JPH3: variants seen among roughly 807,000 people sequenced by gnomAD.
JPH3 encodes the protein junctophilin 3, also known as junctophilin-3.
Under a neutral mutation model 59.6 loss-of-function variants are expected in JPH3, and 11 were observed. That is an observed-to-expected ratio of 0.18 (90% CI 0.12 to 0.31). The LOEUF (loss-of-function observed/expected upper bound fraction) is 0.31. Among genes scored for constraint, JPH3 ranks in the 10% least tolerant of loss-of-function variants. JPH3 has a pLI of 1.00. For synonymous variants in JPH3, 673 were observed against 483.6 expected (o/e 1.39, Z -5.14); for missense variants, 1,202 against 1,105.7 (o/e 1.09, Z -1.24).
At chr16:87,672,156 T>G (rs1259894408) in intron 2 of JPH3, among the ~76,000 whole-genome samples, 2 of 151,888 alleles carry the variant, frequency 1.3e-5, no homozygotes, top group Non-Finnish European at 2.9e-5. Context: ...AGTGGGGCAC[T>G]GAGTCTAAAC....
chr16:87,628,149 G>C (rs1597244983), intron 1 of JPH3, among the ~76,000 whole-genome samples: 1 of 152,356 alleles, frequency 6.6e-6, no homozygotes, highest in Non-Finnish European at 1.5e-5. Flanking sequence ...GGCCCCACAA[G>C]GCATGCAAGA....
At chr16:87,659,183 G>T (rs940711722) in intron 2 of JPH3, among the ~76,000 whole-genome samples, 1 of 151,872 alleles carries the variant, frequency 6.6e-6, no homozygotes, top group African/African-American at 2.4e-5. Flanking sequence ...AGACCAGCCT[G>T]GCCAACATGG....
chr16:87,647,990 G>A (rs2032209190), intron 2 of JPH3, among the ~76,000 whole-genome samples: 2 of 152,182 alleles, frequency 1.3e-5, no homozygotes, highest in East Asian at 1.9e-4. Flanking sequence ...GAAGGGGGGC[G>A]GGGCTCCCTG....
intron 2 of JPH3, among the ~76,000 whole-genome samples, chr16:87,680,277 G>A (rs1425182111): frequency 2.0e-5 from 3 of 152,242 alleles, no homozygotes; most frequent in Non-Finnish European, 4.4e-5. Context: ...AAGACTGGCT[G>A]GAGCTGAAGG....
At chr16:87,614,710 C>G (rs1247664706) in intron 1 of JPH3, among the ~76,000 whole-genome samples, 4 of 143,832 alleles carry the variant, frequency 2.8e-5, no homozygotes, top group Non-Finnish European at 4.5e-5. Context: ...GGGATAAACT[C>G]TGGTCCCTGC....
intron 2 of JPH3, among the ~76,000 whole-genome samples, chr16:87,662,754 C>G (rs2032745063): frequency 6.6e-6 from 1 of 152,242 alleles, no homozygotes; most frequent in African/African-American, 2.4e-5. Context: ...AAATGTAGCT[C>G]AGACCCTCCT....
chr16:87,656,566 G>A (rs2032508621), intron 2 of JPH3, among the ~76,000 whole-genome samples: 1 of 152,210 alleles, frequency 6.6e-6, no homozygotes, highest in South Asian at 2.1e-4. Context: ...TGCAGTGTTT[G>A]GGGGCAACAC....
At chr16:87,691,629 T>C (rs1488012758) in intron 4 of JPH3, among the ~76,000 whole-genome samples, 2 of 152,122 alleles carry the variant, frequency 1.3e-5, no homozygotes, top group East Asian at 3.9e-4. Flanking sequence ...GGTCACCGCG[T>C]GACACCCCTT....
rs558669673 is a variant in JPH3 at position 87,645,015 on chromosome 16, G to A, written c.1140G>A (p.Lys380=). 8.1e-6 allele frequency: 13 copies of A among 1,604,248 alleles called. No homozygotes were observed. In the South Asian group the frequency reaches 1.3e-4, roughly 16 times the overall value. ...GGGCCGCCACCATCGCCAAGCAGAA[G>A]GCTGAGATCGCGGCTTCCAGGTAGG... ...AERAATIAKQ[K]AEIAASRTSH... The change falls in exon 2 of 5, where the codon AAG becomes AAA. Residue 380 remains lysine (K), a synonymous_variant. Transcript: ENST00000284262.
rs1175338553 is a variant in JPH3, at chr16:87,644,582, G to A, written c.707G>A (p.Ser236Asn). 6.2e-7 allele frequency: 1 copy of A among 1,612,968 alleles called. No homozygotes were observed. The highest frequency in any genetic ancestry group is 8.5e-7 in the Non-Finnish European group (1 of 1,179,848). ...RKSESKSSLA[S>N]QRSKQSSFRS... is the part of the protein sequence containing the mutation. ...TCGGAGTCCAAGAGCAGCCTGGCCA[G>A]CCAACGCAGCAAGCAGAGCTCCTTT... The change falls in exon 2 of 5, where the codon AGC becomes AAC. Residue 236 changes from serine (S) to asparagine (N), a missense_variant. By Grantham distance (46) the Ser-to-Asn change is conservative. Coordinates refer to ENST00000284262, the MANE Select transcript of JPH3 (RefSeq NM_020655.4).
intron 2 of JPH3, among the ~76,000 whole-genome samples, chr16:87,659,248 G>A (rs1052724481): frequency 6.6e-6 from 1 of 151,764 alleles, no homozygotes; most frequent in African/African-American, 2.4e-5. Context: ...ATGGTGGCAG[G>A]CACCTGTAAT....
At chr16:87,619,136 C>G (rs112637164) in intron 1 of JPH3, among the ~76,000 whole-genome samples, 8 of 151,032 alleles carry the variant, frequency 5.3e-5, no homozygotes, top group African/African-American at 1.7e-4. Context: ...GGCAACATGG[C>G]AAAACCCCAT....
intron 1 of JPH3, among the ~76,000 whole-genome samples, chr16:87,618,524 C>T (rs1027792775): frequency 6.6e-6 from 1 of 152,226 alleles, no homozygotes; most frequent in Non-Finnish European, 1.5e-5. Context: ...GACGGTGGAG[C>T]TCAGGCCTGG....
intron 1 of JPH3, among the ~76,000 whole-genome samples, chr16:87,619,190 G>C (rs1216370173): frequency 6.6e-6 from 1 of 151,926 alleles, no homozygotes; most frequent in Non-Finnish European, 1.5e-5. Flanking sequence ...GGTGGTGCCT[G>C]TAGTCCCAGC....
rs551806739 is a variant in JPH3, at chr16:87,655,632, C to T, written c.1160+10597C>T. On this transcript the variant is annotated intron_variant, in intron 2 of 4. Coordinates refer to ENST00000284262, the MANE Select transcript of JPH3 (RefSeq NM_020655.4). ...CCTCCCAAAGTGCTGGGATTACAGG[C>T]GTGAGCCACTATGCCTGGCCAATAA... 5.3e-5 allele frequency among the ~76,000 whole-genome samples: 8 copies of T among 152,358 alleles called. No individual in the cohort carries two copies. The East Asian group carries it at 9.6e-4, about 18-fold the overall frequency.
intron 2 of JPH3, among the ~76,000 whole-genome samples, chr16:87,657,861 A>G (rs1226415687): frequency 6.6e-6 from 1 of 152,196 alleles, no homozygotes; most frequent in Non-Finnish European, 1.5e-5. Flanking sequence ...TGTAGTCCTT[A>G]GTCTGGGGGC....
At chr16:87,672,573 G>T (rs1039554766) in intron 2 of JPH3, among the ~76,000 whole-genome samples, 1 of 152,236 alleles carries the variant, frequency 6.6e-6, no homozygotes, top group African/African-American at 2.4e-5. Context: ...AACGGGGCTT[G>T]CTTGAGGTCT....
chr16:87,603,985 C>T (rs1442347170), intron 1 of JPH3: 1 of 740,800 alleles, frequency 1.3e-6, no homozygotes, highest in African/African-American at 1.9e-5. Context: ...CGAGGGCCTT[C>T]CTCAGCCCCG....
intron 2 of JPH3, among the ~76,000 whole-genome samples, chr16:87,647,988 G>A (rs2032209074): frequency 1.3e-5 from 2 of 152,204 alleles, no homozygotes; most frequent in South Asian, 2.1e-4. Context: ...CTGAAGGGGG[G>A]CGGGGCTCCC....
Sources: allele counts gnomAD v4.1 joint callset (sites outside exome capture counted in the v4.1 genomes callset), GRCh38; gene constraint gnomAD v4.1.1; transcripts MANE v1.5; gene names NCBI Gene and HGNC (gene_info 2026-07-23, HGNC 2026-07-21).